Variants in TBC1D2 observed in about 807,000 individuals in gnomAD.
The protein encoded by TBC1D2 is TBC1 domain family member 2, also known as TBC1 domain family member 2A.
Under a neutral mutation model 91.1 loss-of-function variants are expected in TBC1D2, and 58 were observed. The observed-to-expected ratio is 0.64, with a 90% CI of 0.52 to 0.79. The LOEUF (loss-of-function observed/expected upper bound fraction) is 0.79, where lower values mean the gene tolerates loss of function less well. TBC1D2 is among the 30% of genes least tolerant of loss of function. TBC1D2 has a pLI of 0.00. For synonymous variants in TBC1D2, 482 were observed against 511.5 expected (o/e 0.94, Z 0.78); for missense variants, 1,080 against 1,208.3 (o/e 0.89, Z 1.57).
Position 98,208,648 on chromosome 9 carries a change from A to G in TBC1D2, c.2150+20T>C, listed in dbSNP as rs776220339. The G allele has an allele frequency of 2.6e-6, 4 of 1,513,686 alleles. No homozygotes were observed. Among genetic ancestry groups the G allele is most frequent in the Non-Finnish European group, 3.5e-6 (4 of 1,130,202 alleles). 93.8% of individuals were successfully genotyped at this position (1,513,686 alleles called of 1,614,324 possible). A position where few individuals can be genotyped will look rare whatever the true frequency, so the allele number is the denominator to read the frequency against. Reference sequence around the variant, plus strand: ...TCCAAAAGGTAAAGATCACACCTTCACTGGGCTTTGGTGGCTTACCTGTTC... The same window carrying G: ...TCCAAAAGGTAAAGATCACACCTTCGCTGGGCTTTGGTGGCTTACCTGTTC... On this transcript the variant is annotated intron_variant, in intron 9 of 12. Coordinates refer to ENST00000465784, the MANE Select transcript of TBC1D2 (RefSeq NM_001267571.2).
chr9:98,224,829 T>C (rs1481372906), intron 5 of TBC1D2, among the ~76,000 whole-genome samples: 2 of 152,048 alleles, frequency 1.3e-5, no homozygotes, highest in African/African-American at 2.4e-5. Context: ...GGGGGGTGTA[T>C]CTAACGAGGT....
intron 2 of TBC1D2, among the ~76,000 whole-genome samples, chr9:98,245,453 G>A (rs962611525): frequency 3.3e-5 from 5 of 151,962 alleles, no homozygotes; most frequent in African/African-American, 1.2e-4. Context: ...TATAGTCCCA[G>A]CTACTTGGGA....
intron 5 of TBC1D2, among the ~76,000 whole-genome samples, chr9:98,226,883 T>C (rs1829245050): frequency 1.3e-5 from 2 of 152,210 alleles, no homozygotes; most frequent in South Asian, 4.1e-4. Flanking sequence ...CCTTTATTTA[T>C]TGAAGAATGA....
chr9:98,202,042 C>T (rs920628316), intron 10 of TBC1D2, among the ~76,000 whole-genome samples: 3 of 152,164 alleles, frequency 2.0e-5, no homozygotes, highest in African/African-American at 7.2e-5. Flanking sequence ...GGGGCCTTGG[C>T]GAAATGGAAG....
chr9:98,231,727 T>A (rs1394845937), intron 4 of TBC1D2, among the ~76,000 whole-genome samples: 2 of 152,202 alleles, frequency 1.3e-5, no homozygotes, highest in African/African-American at 4.8e-5. Context: ...ACTCCACCCT[T>A]CCATGCCTCA....
At position 98,200,399 on chromosome 9, in the gene TBC1D2, T is replaced by C; in HGVS notation, c.2458-25A>G. 7.1e-6 allele frequency: 9 copies of C among 1,271,772 alleles called. No individual in the cohort carries two copies. The East Asian group carries it at 1.1e-4, about 16-fold the overall frequency. 78.8% of individuals were successfully genotyped at this position (1,271,772 alleles called of 1,614,324 possible). The stretch of plus-strand genomic sequence containing the variant: ...CCTGGGGGTAGAGTGGGGGCTCAGG[T>C]AGGGCATGGGGGGGCCAGGCAGGTC... On this transcript the variant is annotated intron_variant, in intron 11 of 12. Transcript: ENST00000465784.
intron 4 of TBC1D2, among the ~76,000 whole-genome samples, chr9:98,229,935 C>T (rs919222577): frequency 2.6e-5 from 4 of 152,206 alleles, no homozygotes; most frequent in Non-Finnish European, 5.9e-5. Flanking sequence ...AGCCTCGAAT[C>T]GTTACTATCT....
chr9:98,246,099 A>G (rs1477107993), intron 2 of TBC1D2, among the ~76,000 whole-genome samples: 1 of 152,182 alleles, frequency 6.6e-6, no homozygotes, highest in Non-Finnish European at 1.5e-5. Context: ...AGGGGAGGTG[A>G]AATATTTAGA....
intron 4 of TBC1D2, among the ~76,000 whole-genome samples, chr9:98,230,970 TACA>T (rs1272220566): frequency 6.6e-6 from 1 of 152,146 alleles, no homozygotes; most frequent in African/African-American, 2.4e-5. Context: ...TTACACTGGG[TACA>T]AGGCAGCCTG....
intron 2 of TBC1D2, among the ~76,000 whole-genome samples, chr9:98,249,070 G>T (rs565092029): frequency 5.9e-5 from 9 of 152,196 alleles, no homozygotes; most frequent in African/African-American, 2.4e-5. Context: ...GGCGGGCGAG[G>T]TGGGGCAGCC....
chr9:98,220,693 G>C, intron 6 of TBC1D2, 140 bp downstream of exon 6: 1 of 1,073,622 alleles, frequency 9.3e-7, no homozygotes, highest in Non-Finnish European at 1.3e-6. Flanking sequence ...CCATCAACAT[G>C]TGTTTCTAAT....
At position 98,226,043 on chromosome 9, in the gene TBC1D2, G is replaced by A. The variant is rs534655422; in HGVS notation, c.978+2909C>T. Among the ~76,000 whole-genome samples, 15 of 152,328 alleles carry A rather than the reference G, an allele frequency of 9.8e-5. No homozygotes were observed. The East Asian group carries it at 2.3e-3, about 23-fold the overall frequency. ...GCCCATCTTCCCAGCTGATGAATGG[G>A]ACTCTAATGAGGGTCTCAGATGGAC... On this transcript the variant is annotated intron_variant, in intron 5 of 12. Transcript: ENST00000465784.
chr9:98,218,692 G>A (rs926142488), intron 6 of TBC1D2, among the ~76,000 whole-genome samples: 4 of 152,304 alleles, frequency 2.6e-5, no homozygotes, highest in Admixed American at 6.5e-5. Flanking sequence ...CTGATCTAGT[G>A]TTCTTTTTTT....
intron 3 of TBC1D2, among the ~76,000 whole-genome samples, chr9:98,243,370 T>C (rs1457915321): frequency 6.6e-6 from 1 of 151,644 alleles, no homozygotes; most frequent in Non-Finnish European, 1.5e-5. Flanking sequence ...TATGGATAAT[T>C]AAAAAAAATA....
intron 3 of TBC1D2, among the ~76,000 whole-genome samples, chr9:98,242,441 C>CAAAAAAAA (rs961264421): frequency 1.3e-5 from 1 of 76,412 alleles, no homozygotes; most frequent in Non-Finnish European, 2.7e-5. Context: ...ACTCCATCTC[C>CAAAAAAAA]AAAAAAAAAA....
rs115864262 is a variant in TBC1D2, at chr9:98,230,654, C to T, written c.782-1506G>A. ...GTGCAAAAACAGTACCTTGCTCGGCCGGGCGTGGTGGCTCACGCCTGTAAT... is the reference window on the plus strand; with the variant it reads ...GTGCAAAAACAGTACCTTGCTCGGCTGGGCGTGGTGGCTCACGCCTGTAAT... On this transcript the variant is annotated intron_variant, in intron 4 of 12. Transcript: ENST00000465784. Among the ~76,000 whole-genome samples, 212 of 152,226 alleles carry T rather than the reference C, an allele frequency of 1.4e-3. 1 individual carries two copies. The highest frequency in any genetic ancestry group is 4.4e-3 in the African/African-American group (182 of 41,532).
chr9:98,247,204 G>A (rs1829781718), intron 2 of TBC1D2, among the ~76,000 whole-genome samples: 2 of 151,912 alleles, frequency 1.3e-5, no homozygotes, highest in Non-Finnish European at 2.9e-5. Flanking sequence ...ACGTGTGCCT[G>A]TAGTCCCAGC....
chr9:98,203,747 T>G (rs940982928), intron 9 of TBC1D2, among the ~76,000 whole-genome samples: 1 of 152,146 alleles, frequency 6.6e-6, no homozygotes, highest in South Asian at 2.1e-4. Flanking sequence ...ATCACAGGAC[T>G]ATTTTGAGGA....
Position 98,210,856 on chromosome 9 carries a change from A to G in TBC1D2, c.1486-13T>C, listed in dbSNP as rs1258040830. 2 of 1,548,934 alleles carry G rather than the reference A, an allele frequency of 1.3e-6. No homozygotes were observed. The highest frequency in any genetic ancestry group is 1.2e-5 in the South Asian group (1 of 83,740). ...GGAGGTAGGCGCACTGCAAACAGGG[A>G]AAGGCTGGTCAGGCTACCGGGTGGG... is the stretch of plus-strand genomic sequence containing the variant. On this transcript the variant is annotated splice_polypyrimidine_tract_variant and intron_variant, in intron 7 of 12. Transcript: ENST00000465784.
Sources: gnomAD v4.1 joint callset for allele counts (sites outside exome capture counted in the v4.1 genomes callset) on GRCh38, gnomAD v4.1.1 for gene constraint, MANE v1.5 for transcripts, NCBI Gene and HGNC (gene_info 2026-07-23, HGNC 2026-07-21) for gene names.